The following POFUT1 variants were observed in gnomAD, a reference collection of about 807,000 sequenced individuals.
POFUT1 encodes protein O-fucosyltransferase 1, also known as GDP-fucose protein O-fucosyltransferase 1.
Under a neutral mutation model 42.4 loss-of-function variants are expected in POFUT1, and 16 were observed. The ratio of observed to expected loss-of-function variants is 0.38; its 90% confidence interval spans 0.26 to 0.57. The LOEUF (loss-of-function observed/expected upper bound fraction) is 0.57, where lower values mean the gene tolerates loss of function less well. POFUT1 is among the 20% of genes least tolerant of loss of function. The probability of loss-of-function intolerance (pLI) is 0.71; values close to 1 mark genes in which losing one functional copy is unlikely to be tolerated. For missense variants in POFUT1, 470 were observed against 504.6 expected (o/e 0.93, Z 0.66); for synonymous variants, 206 against 205.4 (o/e 1.00, Z -0.03).
In POFUT1 at chr20:32,234,673, G is replaced by A. The variant is rs1271113726; in HGVS notation, c.*12G>A. 1.3e-6 allele frequency: 2 copies of A among 1,591,534 alleles called. No individual in the cohort carries two copies. The highest frequency in any genetic ancestry group is 1.3e-5 in the African/African-American group (1 of 74,392). On this transcript the variant is annotated 3_prime_UTR_variant, in exon 7 of 7. Coordinates refer to ENST00000375749, the MANE Select transcript of POFUT1 (RefSeq NM_015352.2). Reference sequence around the variant, plus strand: ...GGGACGAGTTCTGATTCTGGCCGGAGCACCAGACCCTCTGATCCTGGAGGG... The same window carrying A: ...GGGACGAGTTCTGATTCTGGCCGGAACACCAGACCCTCTGATCCTGGAGGG...
At chr20:32,234,026 T>C (rs1487258152) in intron 6 of POFUT1, among the ~76,000 whole-genome samples, 1 of 152,038 alleles carries the variant, frequency 6.6e-6, no homozygotes, top group Non-Finnish European at 1.5e-5. Flanking sequence ...CTAAAAAAAT[T>C]GTTTTAAATT....
rs965890390 is a variant in POFUT1, at chr20:32,238,092, T to C, written c.*3431T>C. ...GAGGAGTGTTCCATAGTTTATTGTTTTCCTATTATGAGAATTTAGGCCAAG... is the reference window on the plus strand; with the variant it reads ...GAGGAGTGTTCCATAGTTTATTGTTCTCCTATTATGAGAATTTAGGCCAAG... On this transcript the variant is annotated 3_prime_UTR_variant, in exon 7 of 7. Transcript: ENST00000375749. 9.7e-6 allele frequency: 3 copies of C among 308,274 alleles called. No individual in the cohort carries two copies. The highest frequency in any genetic ancestry group is 1.9e-5 in the Non-Finnish European group (3 of 154,002). The allele number at this position is 308,274 out of a possible 1,614,324, so 19.1% of individuals were successfully genotyped here.
intron 4 of POFUT1, among the ~76,000 whole-genome samples, chr20:32,225,600 C>T (rs2047411048): frequency 6.6e-6 from 1 of 152,116 alleles, no homozygotes; most frequent in Admixed American, 6.6e-5. Context: ...GCGATTTTCC[C>T]ATGTAGCCTC....
intron 5 of POFUT1, among the ~76,000 whole-genome samples, chr20:32,229,509 G>A (rs906857535): frequency 1.3e-5 from 2 of 152,122 alleles, no homozygotes; most frequent in South Asian, 4.1e-4. Flanking sequence ...AACTAACCAG[G>A]AATAGAATGG....
chr20:32,208,151 T>G, intron 1 of POFUT1, 86 bp downstream of exon 1: 1 of 1,323,802 alleles, frequency 7.6e-7, no homozygotes, highest in South Asian at 1.3e-5. Flanking sequence ...CAGAGACACC[T>G]TCACAGGTCC....
intron 2 of POFUT1, among the ~76,000 whole-genome samples, chr20:32,211,206 G>A (rs921550050): frequency 1.3e-5 from 2 of 152,100 alleles, no homozygotes; most frequent in Admixed American, 1.3e-4. Flanking sequence ...AATCAACTGA[G>A]CTTATCAACG....
At chr20:32,209,844 T>G (rs1378211452) in intron 1 of POFUT1, among the ~76,000 whole-genome samples, 2 of 152,104 alleles carry the variant, frequency 1.3e-5, no homozygotes, top group East Asian at 3.8e-4. Flanking sequence ...TAGAGCATGT[T>G]GGGGAAACAG....
At chr20:32,210,375 C>T (rs981278917) in intron 2 of POFUT1, among the ~76,000 whole-genome samples, 183 bp downstream of exon 2, 4 of 152,210 alleles carry the variant, frequency 2.6e-5, no homozygotes, top group South Asian at 2.1e-4. Context: ...CTGTTGTGTG[C>T]GGCTGCATGA....
intron 3 of POFUT1, among the ~76,000 whole-genome samples, chr20:32,216,040 G>A (rs1054060757): frequency 1.3e-5 from 2 of 152,166 alleles, no homozygotes; most frequent in Non-Finnish European, 2.9e-5. Context: ...GTAAATGAGA[G>A]GCTGTCATAT....
intron 4 of POFUT1, among the ~76,000 whole-genome samples, chr20:32,220,740 C>CAAA (rs775995685): frequency 3.9e-5 from 5 of 129,782 alleles, no homozygotes; most frequent in African/African-American, 1.4e-4. Context: ...GAAACTGTCT[C>CAAA]AAAAAAAAAA....
At chr20:32,217,001 C>T (rs769281595) in intron 4 of POFUT1, 8 of 1,613,558 alleles carry the variant, frequency 5.0e-6, no homozygotes, top group Middle Eastern at 1.6e-4. Context: ...TCAATTTCCT[C>T]CTCTAGGCGT....
intron 6 of POFUT1, among the ~76,000 whole-genome samples, chr20:32,232,955 C>T (rs2122604490): frequency 6.6e-6 from 1 of 152,326 alleles, no homozygotes; most frequent in Non-Finnish European, 1.5e-5. Flanking sequence ...CTCTCCAGGG[C>T]TCACATTCTA....
At chr20:32,208,098 G>A in intron 1 of POFUT1, 33 bp downstream of exon 1, 1 of 1,532,938 alleles carries the variant, frequency 6.5e-7, no homozygotes, top group Non-Finnish European at 8.7e-7. Context: ...CTCAGATGGA[G>A]AAACTGAGGC....
At chr20:32,234,054 C>G (rs996760455) in intron 6 of POFUT1, among the ~76,000 whole-genome samples, 3 of 152,172 alleles carry the variant, frequency 2.0e-5, no homozygotes, top group African/African-American at 7.2e-5. Context: ...TGTGGTGGTG[C>G]ACACTTGTAG....
In POFUT1 at chr20:32,234,675, A is replaced by G. The variant is rs1600396383; in HGVS notation, c.*14A>G. On this transcript the variant is annotated 3_prime_UTR_variant, in exon 7 of 7. Coordinates refer to ENST00000375749, the MANE Select transcript of POFUT1 (RefSeq NM_015352.2). ...GACGAGTTCTGATTCTGGCCGGAGC[A>G]CCAGACCCTCTGATCCTGGAGGGAC... The G allele has an allele frequency of 6.3e-7, 1 of 1,590,322 alleles. No homozygotes were observed. Among genetic ancestry groups the G allele is most frequent in the South Asian group, 1.1e-5 (1 of 87,700 alleles).
intron 4 of POFUT1, chr20:32,223,294 C>G: frequency 2.0e-6 from 2 of 985,358 alleles, no homozygotes; most frequent in Non-Finnish European, 2.4e-6. Context: ...CCCTGTTCCC[C>G]CCTCATTCTT....
rs1283492792 is a variant in POFUT1, at chr20:32,237,556, G to T, written c.*2895G>T. 1 of 242,862 alleles carries T rather than the reference G, an allele frequency of 4.1e-6. No homozygotes were observed. The highest frequency in any genetic ancestry group is 2.2e-5 in the African/African-American group (1 of 45,306). 15.0% of individuals were successfully genotyped at this position (242,862 alleles called of 1,614,324 possible). ...AGCATGGCTGGAGAGGCAGGCATAG[G>T]CAGGGAACCGAGCAGCAGGTCAGAG... On this transcript the variant is annotated 3_prime_UTR_variant, in exon 7 of 7. Coordinates refer to ENST00000375749, the MANE Select transcript of POFUT1 (RefSeq NM_015352.2).
chr20:32,217,060 C>T, intron 4 of POFUT1: 1 of 1,613,866 alleles, frequency 6.2e-7, no homozygotes, highest in Non-Finnish European at 8.5e-7. Flanking sequence ...AAACTGGAAG[C>T]AGCTTCTAGA....
At position 32,238,545 on chromosome 20, in the gene POFUT1, A is replaced by C. The variant is rs1415708797; in HGVS notation, c.*3884A>C. ...CAAAAAAAAAAAGTTGTTTAAGATA[A>C]ATTCCCAGAAGTGAATTTGTTAGAT... On this transcript the variant is annotated 3_prime_UTR_variant, in exon 7 of 7. Coordinates refer to ENST00000375749, the MANE Select transcript of POFUT1 (RefSeq NM_015352.2). 6.6e-6 allele frequency: 1 copy of C among 152,178 alleles called. No individual in the cohort carries two copies. Among genetic ancestry groups the C allele is most frequent in the Non-Finnish European group, 1.5e-5 (1 of 68,030 alleles). 9.4% of individuals were successfully genotyped at this position (152,178 alleles called of 1,614,324 possible).
Sources: allele counts gnomAD v4.1 joint callset (sites outside exome capture counted in the v4.1 genomes callset), GRCh38; gene constraint gnomAD v4.1.1; transcripts MANE v1.5; gene names NCBI Gene and HGNC (gene_info 2026-07-23, HGNC 2026-07-21).